Variants in ROCK1 observed in about 807,000 individuals in gnomAD.
The protein encoded by ROCK1 is Rho associated coiled-coil containing protein kinase 1.
In ROCK1, 36 loss-of-function variants were observed where a neutral mutation model predicts 196.8. The observed-to-expected ratio is 0.18, with a 90% CI of 0.14 to 0.24. The LOEUF (loss-of-function observed/expected upper bound fraction) is 0.24. Ranked by LOEUF, ROCK1 falls within the 10% of genes least tolerant of loss-of-function variation. The pLI is 1.00. For synonymous variants in ROCK1, 443 were observed against 515.9 expected, an observed-to-expected ratio of 0.86 and a Z score of 1.91; for missense variants, 920 against 1,562.0, an observed-to-expected ratio of 0.59 and a Z score of 6.93.
intron 19 of ROCK1, among the ~76,000 whole-genome samples, chr18:20,985,033 A>G (rs2143394852): frequency 6.6e-6 from 1 of 151,876 alleles, no homozygotes; most frequent in East Asian, 1.9e-4. Flanking sequence ...CCTACGAGTC[A>G]GAGGTTGCAG....
At chr18:21,086,370 C>T (rs1031922262) in intron 1 of ROCK1, among the ~76,000 whole-genome samples, 2 of 152,078 alleles carry the variant, frequency 1.3e-5, no homozygotes, top group African/African-American at 4.8e-5. Context: ...CCTAGGCATC[C>T]CAAAGTGCTG....
At chr18:20,982,010 A>G (rs566157981) in intron 21 of ROCK1, among the ~76,000 whole-genome samples, 2 of 152,330 alleles carry the variant, frequency 1.3e-5, no homozygotes, top group Admixed American at 1.3e-4. Flanking sequence ...AATGGAATAA[A>G]TCAGAACTGA....
At chr18:21,016,135 G>A (rs780544343) in intron 12 of ROCK1, among the ~76,000 whole-genome samples, 3 of 152,120 alleles carry the variant, frequency 2.0e-5, no homozygotes, top group Non-Finnish European at 4.4e-5. Flanking sequence ...ATGATATTTA[G>A]AGATAGCTGT....
chr18:20,999,721 T>C (rs1278001943), intron 16 of ROCK1, among the ~76,000 whole-genome samples: 1 of 152,200 alleles, frequency 6.6e-6, no homozygotes, highest in Non-Finnish European at 1.5e-5. Flanking sequence ...TTGGTTTTTT[T>C]TGAGACAAGG....
In ROCK1 at chr18:21,006,573, T is replaced by C. The variant is rs1360218105; in HGVS notation, c.1663A>G (p.Arg555Gly). 6.2e-7 allele frequency: 1 copy of C among 1,613,710 alleles called. No individual in the cohort carries two copies. The change falls in exon 16 of 33, where the codon AGG becomes GGG. Residue 555 changes from arginine (R) to glycine (G), a missense_variant. Coordinates refer to ENST00000399799, the MANE Select transcript of ROCK1 (RefSeq NM_005406.3). Reference sequence around the variant, plus strand: ...CTTACAGCTGTGTCCGATTCTGTCCTAAGTAAGTCATTGGCTTCTTCTAGC... The same window carrying C: ...CTTACAGCTGTGTCCGATTCTGTCCCAAGTAAGTCATTGGCTTCTTCTAGC... ...KQLEEANDLL[R>G]TESDTAVRLR... is the part of the protein sequence containing the mutation.
intron 9 of ROCK1, among the ~76,000 whole-genome samples, chr18:21,038,036 C>T (rs1423296511): frequency 6.6e-6 from 1 of 152,050 alleles, no homozygotes; most frequent in African/African-American, 2.4e-5. Context: ...TAAAGCAATA[C>T]AAAATATTAT....
chr18:21,022,856 A>T (rs2035925567), intron 11 of ROCK1, among the ~76,000 whole-genome samples: 1 of 151,916 alleles, frequency 6.6e-6, no homozygotes, highest in Non-Finnish European at 1.5e-5. Flanking sequence ...GTGTGTGTAT[A>T]TATGTGTGTG....
At chr18:20,999,209 T>G (rs1217640072) in intron 16 of ROCK1, among the ~76,000 whole-genome samples, 1 of 151,980 alleles carries the variant, frequency 6.6e-6, no homozygotes, top group Non-Finnish European at 1.5e-5. Context: ...AGCAAAAAAC[T>G]AATTTAAATA....
intron 20 of ROCK1, 29 bp downstream of exon 20, chr18:20,984,319 AAAG>A: frequency 1.3e-6 from 2 of 1,512,250 alleles, no homozygotes; most frequent in Middle Eastern, 4.7e-4. Context: ...CACAAAAAAG[AAAG>A]AAATCACAAT....
At chr18:20,975,413 G>T (rs954668121) in intron 22 of ROCK1, among the ~76,000 whole-genome samples, 5 of 152,004 alleles carry the variant, frequency 3.3e-5, no homozygotes, top group African/African-American at 1.2e-4. Context: ...GGCTAATCAG[G>T]CTGTTAGATA....
chr18:20,953,102 T>C lies in ROCK1; in HGVS notation c.4061+476A>G, dbSNP rs142281531. 9.8e-3 allele frequency among the ~76,000 whole-genome samples: 1,487 copies of C among 151,974 alleles called. 20 individuals are homozygous for C. Among genetic ancestry groups the C allele is most frequent in the African/African-American group, 0.035 (1,430 of 41,434 alleles). ...CAAACCTGCATGTTCTGCACATATA[T>C]CCCAGAACTTAAAGTATAATAATTA... On this transcript the variant is annotated intron_variant, in intron 32 of 32. Coordinates refer to ENST00000399799, the MANE Select transcript of ROCK1 (RefSeq NM_005406.3).
Position 20,964,379 on chromosome 18 carries a change from CA to C in ROCK1, c.3352+2537del, listed in dbSNP as rs2143347552. 2.6e-5 allele frequency among the ~76,000 whole-genome samples: 4 copies of C among 152,066 alleles called. No homozygotes were observed. In the South Asian group the frequency reaches 8.3e-4, roughly 32 times the overall value. On this transcript the variant is annotated intron_variant, in intron 27 of 32. Transcript: ENST00000399799. Reference sequence around the variant, plus strand: ...TAACAATTCTTCCTAGATATGAATGCAAAACCTTAACTTTATTTGCCAGGGA... The same window carrying C: ...TAACAATTCTTCCTAGATATGAATGCAAACCTTAACTTTATTTGCCAGGGA...
chr18:21,052,107 A>T (rs1451631401), intron 2 of ROCK1, among the ~76,000 whole-genome samples: 3 of 152,180 alleles, frequency 2.0e-5, no homozygotes, highest in African/African-American at 7.2e-5. Flanking sequence ...AGTCTTGACA[A>T]AGACCGCAGA....
At position 21,089,340 on chromosome 18, in the gene ROCK1, G is replaced by A. The variant is rs549565403; in HGVS notation, c.94-18727C>T. The stretch of plus-strand genomic sequence containing the variant: ...CTCCCAAAATGCTGGGATTACAGGC[G>A]TGAGCCACCGCAGCCGGCCTAAAAC... On this transcript the variant is annotated intron_variant, in intron 1 of 32. Coordinates refer to ENST00000399799, the MANE Select transcript of ROCK1 (RefSeq NM_005406.3). Among the ~76,000 whole-genome samples the A allele has an allele frequency of 1.0e-3, 155 of 152,310 alleles. 2 individuals are homozygous for A. The highest frequency in any genetic ancestry group is 9.1e-3 in the Admixed American group (140 of 15,304).
intron 22 of ROCK1, among the ~76,000 whole-genome samples, chr18:20,974,107 T>C (rs1386872736): frequency 6.6e-6 from 1 of 152,176 alleles, no homozygotes; most frequent in Non-Finnish European, 1.5e-5. Context: ...TTTCTTGAAA[T>C]ATCCTCCTCC....
intron 1 of ROCK1, among the ~76,000 whole-genome samples, chr18:21,106,634 G>A (rs549420271): frequency 9.9e-5 from 15 of 152,132 alleles, no homozygotes; most frequent in East Asian, 1.9e-4. Flanking sequence ...AATAGCTCCC[G>A]ATAATCCTTA....
At chr18:21,106,411 T>C (rs1267279218) in intron 1 of ROCK1, among the ~76,000 whole-genome samples, 1 of 152,204 alleles carries the variant, frequency 6.6e-6, no homozygotes, top group African/African-American at 2.4e-5. Flanking sequence ...CAAGCAATTC[T>C]CTGGCCTCAG....
chr18:21,001,951 A>G (rs919835496), intron 16 of ROCK1, among the ~76,000 whole-genome samples: 3 of 152,174 alleles, frequency 2.0e-5, no homozygotes, highest in African/African-American at 7.2e-5. Flanking sequence ...TGTTTCATAC[A>G]AAAATCGACA....
intron 13 of ROCK1, among the ~76,000 whole-genome samples, chr18:21,014,065 CAA>C (rs56355855): frequency 0.035 from 2,422 of 69,836 alleles, 61 homozygotes; most frequent in African/African-American, 0.089. Context: ...GACTCTGTCT[CAA>C]AAAAAAAAAA....
Sources: gnomAD v4.1 joint callset for allele counts (sites outside exome capture counted in the v4.1 genomes callset) on GRCh38, gnomAD v4.1.1 for gene constraint, MANE v1.5 for transcripts, NCBI Gene and HGNC (gene_info 2026-07-23, HGNC 2026-07-21) for gene names.